Variants in CDH26 observed in about 807,000 individuals in gnomAD.
The protein encoded by CDH26 is cadherin-like protein 26.
In CDH26, 83 loss-of-function variants were observed where a neutral mutation model predicts 90.3. That is an observed-to-expected ratio of 0.92 (90% confidence interval 0.77 to 1.10). The LOEUF is 1.10. Among genes scored for constraint, CDH26 ranks in the 50% least tolerant of loss-of-function variants. The pLI, the probability that CDH26 is intolerant of heterozygous loss-of-function variation, is 0.00. For missense variants in CDH26, 1,013 were observed against 1,037.6 expected (o/e 0.98, Z 0.33); for synonymous variants, 397 against 396.3 (o/e 1.00, Z -0.02).
Position 59,996,730 on chromosome 20 carries a change from A to G in CDH26, c.1988A>G (p.Tyr663Cys), listed in dbSNP as rs1418105223. 9.3e-6 allele frequency: 15 copies of G among 1,614,156 alleles called. No individual in the cohort carries two copies. Among genetic ancestry groups the G allele is most frequent in the Non-Finnish European group, 1.3e-5 (15 of 1,180,060 alleles). The change falls in exon 13 of 18, where the codon TAT (tyrosine) becomes TGT (cysteine). Residue 663 changes from tyrosine to cysteine, a missense_variant. Transcript: ENST00000348616. ...NDEGHQTLVM[Y>C]NAESKGTSAQ... ...GAAGGCCACCAAACACTGGTCATGT[A>G]TAATGCGGAGAGCAAAGGCACTTCA...
At chr20:60,000,145 C>G (rs1029977693) in intron 14 of CDH26, among the ~76,000 whole-genome samples, 2 of 152,234 alleles carry the variant, frequency 1.3e-5, no homozygotes, top group African/African-American at 4.8e-5. Context: ...GACGATGGCA[C>G]TGCCAAAGGC....
Position 59,992,362 on chromosome 20 carries a change from G to T in CDH26, c.1284-16G>T. The T allele has an allele frequency of 1.9e-6, 3 of 1,597,276 alleles. No homozygotes were observed. Among genetic ancestry groups the T allele is most frequent in the Non-Finnish European group, 2.6e-6 (3 of 1,175,158 alleles). Reference sequence around the variant, plus strand: ...TTTTTAATTTTAAAAATTGCTGTCCGTTTTCCTTCTACAAGATATGAACTG... The same window carrying T: ...TTTTTAATTTTAAAAATTGCTGTCCTTTTTCCTTCTACAAGATATGAACTG... On this transcript the variant is annotated splice_polypyrimidine_tract_variant and intron_variant, in intron 9 of 17. Transcript: ENST00000348616. The surrounding 1 kb of genome is among the most constrained non-coding windows in gnomAD (Gnocchi z 5.0).
In CDH26 at chr20:60,021,897, C is replaced by CACACACACACACATAT. The variant is rs1295572684; in HGVS notation, c.948-9333_948-9332insCACACACACACATATA. Among the ~76,000 whole-genome samples the CACACACACACACATAT allele has an allele frequency of 2.5e-4, 20 of 78,998 alleles. 1 individual carries two copies. Among genetic ancestry groups the CACACACACACACATAT allele is most frequent in the South Asian group, 4.4e-4 (1 of 2,270 alleles). The allele number at this position is 78,998 out of a possible 152,430, so 51.8% of individuals were successfully genotyped here. On this transcript the variant is annotated intron_variant, in intron 7 of 8. Transcript: ENST00000370991. ...ACACACACACACACACACACACACA[C>CACACACACACACATAT]ATATATATATATATATATATCCTGA...
In CDH26 at chr20:60,013,326, T is replaced by TA. The variant is rs2061872847; in HGVS notation, c.*602dup. ...AAAGCTTTATAAACAGTATACTCTT[T>TA]AAAAAATGAAGAGCTGACATAATTT... On this transcript the variant is annotated 3_prime_UTR_variant, in exon 18 of 18. Coordinates refer to ENST00000348616, the MANE Select transcript of CDH26 (RefSeq NM_177980.4). 6.6e-6 allele frequency: 1 copy of TA among 152,202 alleles called. No homozygotes were observed. The allele number at this position is 152,202 out of a possible 1,614,324, so 9.4% of individuals were successfully genotyped here.
chr20:60,009,535 T>C (rs1177716843), intron 17 of CDH26, among the ~76,000 whole-genome samples: 1 of 152,138 alleles, frequency 6.6e-6, no homozygotes, highest in East Asian at 1.9e-4. Flanking sequence ...AGGGACGTGT[T>C]CCAGCCGCGG....
Position 59,989,098 on chromosome 20 carries a change from G to C in CDH26, c.1218G>C (p.Glu406Asp). The change falls in exon 9 of 18, where the codon GAG becomes GAC. Residue 406 changes from glutamate to aspartate, a missense_variant. Transcript: ENST00000348616. ...FHPQSFIVNK[E>D]EGARPGTLLG... ...CCCAGAGCTTCATTGTCAATAAAGA[G>C]GAGGGCGCCAGGCCTGGGACCCTGT... is the stretch of plus-strand genomic sequence containing the variant. 6.2e-7 allele frequency: 1 copy of C among 1,614,204 alleles called. No individual in the cohort carries two copies. The highest frequency in any genetic ancestry group is 1.7e-5 in the Admixed American group (1 of 60,034).
At chr20:59,966,065 T>G (rs998033486) in intron 1 of CDH26, among the ~76,000 whole-genome samples, 12 of 152,104 alleles carry the variant, frequency 7.9e-5, no homozygotes, top group African/African-American at 2.9e-4. Context: ...AATTCTGATT[T>G]TTGCTTGAAA....
intron 4 of CDH26, among the ~76,000 whole-genome samples, chr20:59,976,363 A>G (rs1474190513): frequency 6.6e-6 from 1 of 152,240 alleles, no homozygotes; most frequent in Non-Finnish European, 1.5e-5. Flanking sequence ...ATCCCTAGAA[A>G]TTCTTAGCAT....
At chr20:60,032,097 C>G (rs1399488636) in intron 8 of CDH26, among the ~76,000 whole-genome samples, 1 of 152,226 alleles carries the variant, frequency 6.6e-6, no homozygotes, top group African/African-American at 2.4e-5. Flanking sequence ...AAAGCCCAAG[C>G]TTTGCAATGT....
At chr20:60,033,128 C>A (rs1418746203) in intron 8 of CDH26, among the ~76,000 whole-genome samples, 1 of 152,192 alleles carries the variant, frequency 6.6e-6, no homozygotes, top group African/African-American at 2.4e-5. Flanking sequence ...GGGCTTAACA[C>A]CAGCTCTATT....
chr20:59,987,965 A>T (rs997160912), intron 8 of CDH26, among the ~76,000 whole-genome samples: 13 of 152,212 alleles, frequency 8.5e-5, no homozygotes, highest in African/African-American at 2.9e-4. Context: ...AGATGTGATT[A>T]AAAAATGAAA....
chr20:60,004,146 G>T (rs6071077), intron 16 of CDH26, among the ~76,000 whole-genome samples: 2,482 of 152,324 alleles, frequency 0.016, 40 homozygotes, highest in Non-Finnish European at 0.026. Context: ...CCCTAGGGCT[G>T]CTTGTAGTGG....
At chr20:59,996,887 A>C (rs930079394) in intron 13 of CDH26, 126 bp downstream of exon 13, 1 of 1,264,284 alleles carries the variant, frequency 7.9e-7, no homozygotes, top group Non-Finnish European at 1.1e-6. Context: ...TTCAGTAGCA[A>C]GTGGGAAAAA....
At chr20:59,981,811 T>G (rs1338803419) in intron 4 of CDH26, among the ~76,000 whole-genome samples, 1 of 152,146 alleles carries the variant, frequency 6.6e-6, no homozygotes, top group Non-Finnish European at 1.5e-5. Flanking sequence ...TTTTATATTT[T>G]TTGGAAGAGA....
chr20:59,958,707 T>G lies in CDH26; in HGVS notation c.-20T>G, dbSNP rs991436812. On this transcript the variant is annotated 5_prime_UTR_variant, in exon 1 of 18. Transcript: ENST00000348616. The stretch of plus-strand genomic sequence containing the variant: ...CTGGTCATCAGCTGCACGTTCTGGG[T>G]CTGTCTTGGGTATTCCCATATGGCC... 1 of 1,613,464 alleles carries G rather than the reference T, an allele frequency of 6.2e-7. No homozygotes were observed. The highest frequency in any genetic ancestry group is 8.5e-7 in the Non-Finnish European group (1 of 1,179,494).
In CDH26 at chr20:59,995,894, C is replaced by G; in HGVS notation, c.1728C>G (p.Leu576=). ...SLPRGNYLVP[L]FIGDKQGLSQ... ...CACGTGGTAATTACTTGGTGCCACT[C>G]TTCATTGGAGACAAACAGGGACTTT... Residue 576 remains leucine, a synonymous_variant, in exon 12 of 18, where the codon CTC becomes CTG. Transcript: ENST00000348616. The G allele has an allele frequency of 6.2e-7, 1 of 1,614,238 alleles. No homozygotes were observed. The highest frequency in any genetic ancestry group is 8.5e-7 in the Non-Finnish European group (1 of 1,180,044).
chr20:59,995,241 G>A (rs2061578268), intron 11 of CDH26, among the ~76,000 whole-genome samples: 1 of 152,200 alleles, frequency 6.6e-6, no homozygotes, highest in African/African-American at 2.4e-5. Flanking sequence ...TACCTGGGGT[G>A]TCTTGGGCTG....
chr20:59,999,673 C>T lies in CDH26; in HGVS notation c.2097+10C>T, dbSNP rs1465359874. The T allele has an allele frequency of 1.9e-6, 3 of 1,613,342 alleles. No individual in the cohort carries two copies. Among genetic ancestry groups the T allele is most frequent in the Non-Finnish European group, 2.5e-6 (3 of 1,179,436 alleles). On this transcript the variant is annotated intron_variant, in intron 14 of 17. Transcript: ENST00000348616. ...CACGCAGGGAGTTAAGGTAACATGCCCCTTACTTGCTTCTGGATTTCAGAG... is the reference window on the plus strand; with the variant it reads ...CACGCAGGGAGTTAAGGTAACATGCTCCTTACTTGCTTCTGGATTTCAGAG...
chr20:59,971,316 G>A (rs2061258725), intron 3 of CDH26, among the ~76,000 whole-genome samples: 1 of 152,084 alleles, frequency 6.6e-6, no homozygotes. Flanking sequence ...CTCCTTGCTG[G>A]GTAAGTTAGA....
Sources: allele counts gnomAD v4.1 joint callset (sites outside exome capture counted in the v4.1 genomes callset), GRCh38; gene constraint gnomAD v4.1.1; non-coding constraint Gnocchi (gnomAD v3.1); transcripts MANE v1.5; gene names NCBI Gene and HGNC (gene_info 2026-07-23, HGNC 2026-07-21).